The following FGF1 variants were observed in gnomAD, a reference collection of about 807,000 sequenced individuals.
FGF1 encodes the protein beta-endothelial cell growth factor.
A neutral mutation model predicts 13.4 loss-of-function variants in FGF1; 9 were observed. The observed-to-expected ratio is 0.67, with a 90% CI of 0.40 to 1.17. FGF1 has a LOEUF of 1.17. Ranked by LOEUF, FGF1 falls within the 50% of genes most tolerant of loss-of-function variation. FGF1 has a pLI of 0.01. For missense variants in FGF1, 156 were observed against 192.7 expected, an observed-to-expected ratio of 0.81 and a Z score of 1.13; for synonymous variants, 93 against 79.0, an observed-to-expected ratio of 1.18 and a Z score of -0.94.
chr5:142,610,880 C>T (rs536468722), intron 2 of FGF1, among the ~76,000 whole-genome samples: 2 of 152,216 alleles, frequency 1.3e-5, no homozygotes, highest in African/African-American at 4.8e-5. Flanking sequence ...AACTCATTCT[C>T]CTAGAGGTAG....
intron 1 of FGF1, among the ~76,000 whole-genome samples, chr5:142,678,893 C>A (rs1305345219): frequency 6.6e-6 from 1 of 152,170 alleles, no homozygotes; most frequent in Admixed American, 6.5e-5. Flanking sequence ...ATTCCTAGAG[C>A]ATACTCTGTT....
At chr5:142,625,876 T>C (rs1307927389) in intron 1 of FGF1, among the ~76,000 whole-genome samples, 1 of 152,234 alleles carries the variant, frequency 6.6e-6, no homozygotes, top group East Asian at 1.9e-4. Flanking sequence ...TATAGGAAGA[T>C]GGTCTGTTGG....
intron 1 of FGF1, among the ~76,000 whole-genome samples, chr5:142,615,270 T>G (rs1759991706): frequency 6.6e-6 from 1 of 151,522 alleles, no homozygotes; most frequent in South Asian, 2.1e-4. Context: ...CAGGATGGAG[T>G]GCAGTAGCAC....
chr5:142,685,662 T>C (rs1750993695), intron 1 of FGF1: 1 of 152,124 alleles, frequency 6.6e-6, no homozygotes, highest in East Asian at 1.9e-4. Flanking sequence ...TGCATTCATA[T>C]TTTTGCAGTC....
intron 1 of FGF1, among the ~76,000 whole-genome samples, chr5:142,663,029 G>A (rs1769566309): frequency 6.6e-6 from 1 of 152,030 alleles, no homozygotes; most frequent in Admixed American, 6.5e-5. Context: ...TTGCCGTGTT[G>A]CCCAGGCTGG....
chr5:142,685,028 G>T (rs1489719760), intron 1 of FGF1, among the ~76,000 whole-genome samples: 1 of 152,174 alleles, frequency 6.6e-6, no homozygotes, highest in Non-Finnish European at 1.5e-5. Flanking sequence ...GAGCCCTTGG[G>T]CCTCCCTTGG....
intron 1 of FGF1, among the ~76,000 whole-genome samples, chr5:142,615,299 C>G (rs969384411): frequency 2.0e-5 from 3 of 152,084 alleles, no homozygotes; most frequent in Admixed American, 6.5e-5. Context: ...CTCACTGCAA[C>G]CTTGGCCTCC....
intron 2 of FGF1, among the ~76,000 whole-genome samples, chr5:142,610,685 A>G (rs9324886): frequency 0.049 from 7,490 of 152,256 alleles, 296 homozygotes; most frequent in African/African-American, 0.096. Context: ...CAATGTTCAC[A>G]GTCCATATTG....
At chr5:142,648,886 G>C (rs17216960) in intron 1 of FGF1, among the ~76,000 whole-genome samples, 1 of 152,064 alleles carries the variant, frequency 6.6e-6, no homozygotes, top group South Asian at 2.1e-4. Flanking sequence ...ATCAGATGAA[G>C]AATATGGATG....
intron 1 of FGF1, among the ~76,000 whole-genome samples, chr5:142,662,026 CAG>C (rs1170849875): frequency 1.3e-5 from 2 of 151,634 alleles, no homozygotes; most frequent in Non-Finnish European, 2.9e-5. Context: ...AAAAAACACA[CAG>C]ACAAAAAAAA....
chr5:142,598,818 G>A (rs781236930), intron 3 of FGF1, among the ~76,000 whole-genome samples: 3 of 152,200 alleles, frequency 2.0e-5, no homozygotes, highest in Admixed American at 6.5e-5. Context: ...GGTGGGAGAA[G>A]GGGGTGCCTG....
At position 142,652,746 on chromosome 5, in the gene FGF1, G is replaced by C. The variant is rs1275722798; in HGVS notation, c.-35+33211C>G. ...CTGTCTGGGTCTGGCTGGAGGAGTGGGTGCCTCGGCGGTGGCCGCAGCCCT... is the reference window on the plus strand; with the variant it reads ...CTGTCTGGGTCTGGCTGGAGGAGTGCGTGCCTCGGCGGTGGCCGCAGCCCT... On this transcript the variant is annotated intron_variant, in intron 1 of 3. Coordinates refer to ENST00000337706, the MANE Select transcript of FGF1 (RefSeq NM_000800.5). Among the ~76,000 whole-genome samples the C allele has an allele frequency of 3.3e-5, 5 of 152,310 alleles. No homozygotes were observed. In the East Asian group the frequency reaches 9.6e-4, roughly 29 times the overall value.
At chr5:142,692,085 C>T (rs1752314792) in intron 2 of FGF1, among the ~76,000 whole-genome samples, 2 of 152,164 alleles carry the variant, frequency 1.3e-5, no homozygotes, top group South Asian at 2.1e-4. Flanking sequence ...AATCCCAGCA[C>T]TTTGAGAGGC....
upstream of FGF1, among the ~76,000 whole-genome samples, chr5:142,690,658 C>A (rs1752051136): frequency 6.6e-6 from 1 of 152,236 alleles, no homozygotes; most frequent in South Asian, 2.1e-4. Context: ...ATTGGGGTAT[C>A]TTCCTAATTG....
chr5:142,665,241 A>C (rs953974247), intron 1 of FGF1, among the ~76,000 whole-genome samples: 1 of 152,048 alleles, frequency 6.6e-6, no homozygotes, highest in Admixed American at 6.5e-5. Context: ...TGGGAACCTC[A>C]AGACAACACA....
chr5:142,690,060 G>A (rs1304368102), upstream of FGF1, among the ~76,000 whole-genome samples: 1 of 149,746 alleles, frequency 6.7e-6, no homozygotes, highest in Non-Finnish European at 1.5e-5. Context: ...GGTGGCTCAC[G>A]CCTGTAATCC....
intron 1 of FGF1, among the ~76,000 whole-genome samples, chr5:142,629,896 T>TATA (rs1554082565): frequency 0.035 from 2,292 of 65,658 alleles, 32 homozygotes; most frequent in Non-Finnish European, 0.052. Flanking sequence ...TATATATATA[T>TATA]TTTTTTTTTT....
At chr5:142,613,412 A>C (rs989376385) in intron 2 of FGF1, among the ~76,000 whole-genome samples, 1 of 152,212 alleles carries the variant, frequency 6.6e-6, no homozygotes, top group Non-Finnish European at 1.5e-5. Context: ...TGACTTTACC[A>C]CTGCTGGTTA....
intron 1 of FGF1, chr5:142,680,954 A>G (rs1457706908): frequency 1.3e-5 from 2 of 152,172 alleles, no homozygotes; most frequent in African/African-American, 4.8e-5. Context: ...GCAACCAGGA[A>G]CCTGATTTTT....
Sources: allele counts gnomAD v4.1 joint callset (sites outside exome capture counted in the v4.1 genomes callset), GRCh38; gene constraint gnomAD v4.1.1; transcripts MANE v1.5; gene names NCBI Gene and HGNC (gene_info 2026-07-23, HGNC 2026-07-21).